Variants in TAF1B observed in about 807,000 individuals in gnomAD.
TAF1B encodes the protein TATA-box binding protein associated factor, RNA polymerase I subunit B, also known as TATA box-binding protein-associated factor RNA polymerase I subunit B.
A neutral mutation model predicts 83.9 loss-of-function variants in TAF1B; 61 were observed. The observed-to-expected ratio is 0.73, with a 90% CI of 0.59 to 0.90. TAF1B has a LOEUF of 0.90. Ranked by LOEUF, TAF1B falls within the 40% of genes least tolerant of loss-of-function variation. The pLI is 0.00. For synonymous variants in TAF1B, 221 were observed against 224.6 expected (o/e 0.98, Z 0.14); for missense variants, 625 against 677.0 (o/e 0.92, Z 0.85).
At position 9,851,671 on chromosome 2, in the gene TAF1B, C is replaced by T. The variant is rs767039081; in HGVS notation, c.303+33C>T. ...CATTTGTGACTAGATGTTAGCTTTA[C>T]ATATTTTTGTTTAAAGAACAGTAAG... On this transcript the variant is annotated intron_variant, in intron 4 of 14. Transcript: ENST00000263663. 3 of 1,553,564 alleles carry T rather than the reference C, an allele frequency of 1.9e-6. No individual in the cohort carries two copies. In the South Asian group the frequency reaches 3.5e-5, roughly 18 times the overall value.
chr2:9,865,318 C>A (rs1324829379), intron 5 of TAF1B, among the ~76,000 whole-genome samples: 1 of 152,186 alleles, frequency 6.6e-6, no homozygotes, highest in Admixed American at 6.5e-5. Context: ...AGAGCCAAAT[C>A]ATGAGTGAAC....
chr2:9,871,923 A>G (rs138911508), intron 6 of TAF1B, among the ~76,000 whole-genome samples: 4 of 152,258 alleles, frequency 2.6e-5, no homozygotes, highest in East Asian at 3.9e-4. Context: ...TCAACAGTGC[A>G]TGTGAGTGGC....
intron 8 of TAF1B, among the ~76,000 whole-genome samples, chr2:9,902,321 A>G (rs1158285667): frequency 6.6e-6 from 1 of 151,946 alleles, no homozygotes; most frequent in East Asian, 1.9e-4. Flanking sequence ...GAATTTTCAT[A>G]ACCTGAACAC....
intron 14 of TAF1B, among the ~76,000 whole-genome samples, chr2:9,922,382 C>T (rs1176846852): frequency 1.3e-5 from 2 of 152,158 alleles, no homozygotes; most frequent in African/African-American, 2.4e-5. Context: ...CCAGCTGCTC[C>T]TTGAGCTTAC....
intron 9 of TAF1B, among the ~76,000 whole-genome samples, chr2:9,905,560 A>C (rs1665314718): frequency 6.6e-6 from 1 of 152,230 alleles, no homozygotes; most frequent in African/African-American, 2.4e-5. Context: ...TACCTGGTTC[A>C]TAGTATACCA....
At chr2:9,907,245 A>G (rs1312895953) in intron 9 of TAF1B, among the ~76,000 whole-genome samples, 2 of 151,086 alleles carry the variant, frequency 1.3e-5, no homozygotes, top group Non-Finnish European at 2.9e-5. Flanking sequence ...GATAGTCCCT[A>G]TACCTTAGGA....
chr2:9,904,653 T>C (rs921760352), intron 8 of TAF1B, among the ~76,000 whole-genome samples: 1 of 152,256 alleles, frequency 6.6e-6, no homozygotes, highest in Non-Finnish European at 1.5e-5. Context: ...TTAAGTTCTT[T>C]GAGAAATCTC....
intron 6 of TAF1B, among the ~76,000 whole-genome samples, chr2:9,870,793 A>T (rs1482143193): frequency 1.3e-5 from 2 of 152,100 alleles, no homozygotes; most frequent in African/African-American, 4.8e-5. Context: ...AAATGTATAC[A>T]CATTATTTAG....
chr2:9,887,184 C>T (rs437662), intron 8 of TAF1B, among the ~76,000 whole-genome samples: 42,490 of 152,096 alleles, frequency 0.28, 6,925 homozygotes, highest in Middle Eastern at 0.4. Context: ...ATTATTTTCT[C>T]AGTATTGTAT....
intron 5 of TAF1B, among the ~76,000 whole-genome samples, chr2:9,859,633 A>G (rs889309227): frequency 2.0e-5 from 3 of 151,956 alleles, no homozygotes; most frequent in Admixed American, 1.3e-4. Context: ...GGTCAGGCCC[A>G]CCTCCACCTC....
At chr2:9,867,074 C>T (rs1366641665) in intron 5 of TAF1B, among the ~76,000 whole-genome samples, 2 of 152,026 alleles carry the variant, frequency 1.3e-5, no homozygotes, top group Admixed American at 6.5e-5. Flanking sequence ...TACCCTAAAA[C>T]TTAAAGTATA....
At chr2:9,845,833 A>G (rs755300321) in intron 2 of TAF1B, 1 of 284,150 alleles carries the variant, frequency 3.5e-6, no homozygotes, top group Non-Finnish European at 6.9e-6. Context: ...AAATACAACA[A>G]TTAGCCAGGC....
intron 1 of TAF1B, 35 bp from the exon 2 acceptor site, chr2:9,845,185 G>T (rs199754390): frequency 1.3e-6 from 2 of 1,551,298 alleles, no homozygotes; most frequent in East Asian, 2.3e-5. Context: ...AATGTGGCTT[G>T]ATGGGAACAC....
At chr2:9,882,056 A>G (rs1216349824) in intron 7 of TAF1B, among the ~76,000 whole-genome samples, 1 of 151,944 alleles carries the variant, frequency 6.6e-6, no homozygotes, top group Non-Finnish European at 1.5e-5. Flanking sequence ...AGGGAATGCC[A>G]TGTTGGAAAG....
chr2:9,923,860 G>T (rs560113804), intron 14 of TAF1B, among the ~76,000 whole-genome samples: 1 of 152,260 alleles, frequency 6.6e-6, no homozygotes, highest in South Asian at 2.1e-4. Context: ...AGTGAAGAGT[G>T]CTTGCCCACA....
At position 9,871,356 on chromosome 2, in the gene TAF1B, G is replaced by A. The variant is rs571486551; in HGVS notation, c.553+2927G>A. On this transcript the variant is annotated intron_variant, in intron 6 of 14. Transcript: ENST00000263663. ...CTCGGCCTCCCAAAGTGCTGGGATT[G>A]TAGGCGTAAGCTACTGTGCCTGGCC... 4.8e-4 allele frequency among the ~76,000 whole-genome samples: 73 copies of A among 152,118 alleles called. No individual in the cohort carries two copies. In the South Asian group the frequency reaches 5.4e-3, roughly 11 times the overall value.
In TAF1B at chr2:9,872,102, C is replaced by T. The variant is rs1018142183; in HGVS notation, c.553+3673C>T. On this transcript the variant is annotated intron_variant, in intron 6 of 14. Coordinates refer to ENST00000263663, the MANE Select transcript of TAF1B (RefSeq NM_005680.3). ...CAGCACTTTGGGAGGCCGACGCAGG[C>T]GGATCACGAGGGCAGGAGATTGAGA... Among the ~76,000 whole-genome samples, 21 of 151,576 alleles carry T rather than the reference C, an allele frequency of 1.4e-4. 1 individual carries two copies. The highest frequency in any genetic ancestry group is 1.9e-4 in the East Asian group (1 of 5,140).
At chr2:9,907,147 C>T (rs557808712) in intron 9 of TAF1B, among the ~76,000 whole-genome samples, 2 of 151,038 alleles carry the variant, frequency 1.3e-5, no homozygotes, top group African/African-American at 4.9e-5. Context: ...CTTGACTTCC[C>T]GAAGTGCTGG....
chr2:9,861,929 A>G (rs1038035885), intron 5 of TAF1B, among the ~76,000 whole-genome samples: 2 of 152,312 alleles, frequency 1.3e-5, no homozygotes, highest in Admixed American at 6.5e-5. Flanking sequence ...GGACATCCAC[A>G]CCAAAAACCC....
Sources: allele counts gnomAD v4.1 joint callset (sites outside exome capture counted in the v4.1 genomes callset), GRCh38; gene constraint gnomAD v4.1.1; transcripts MANE v1.5; gene names NCBI Gene and HGNC (gene_info 2026-07-23, HGNC 2026-07-21).